TTLL4: variants seen among roughly 807,000 people sequenced by gnomAD.
TTLL4 encodes tubulin monoglutamylase TTLL4.
TTLL4 carries 85 observed loss-of-function variants against 122.7 expected under a neutral mutation model. The observed-to-expected ratio is 0.69, with a 90% CI of 0.58 to 0.83. The LOEUF (loss-of-function observed/expected upper bound fraction) is 0.83, where lower values mean the gene tolerates loss of function less well. Ranked by LOEUF, TTLL4 falls within the 40% of genes least tolerant of loss-of-function variation. The probability of loss-of-function intolerance (pLI) is 0.00; values close to 1 mark genes in which losing one functional copy is unlikely to be tolerated. For synonymous variants in TTLL4, 553 were observed against 563.0 expected (o/e 0.98, Z 0.25); for missense variants, 1,363 against 1,488.6 (o/e 0.92, Z 1.39).
chr2:218,714,651 C>T (rs921252294), intron 1 of TTLL4, among the ~76,000 whole-genome samples: 3 of 151,744 alleles, frequency 2.0e-5, no homozygotes, highest in Non-Finnish European at 4.4e-5. Flanking sequence ...TTCTCTAGAC[C>T]GGCAGTGCTC....
chr2:218,723,349 G>A (rs542310616), intron 1 of TTLL4, among the ~76,000 whole-genome samples: 2 of 152,300 alleles, frequency 1.3e-5, no homozygotes, highest in African/African-American at 4.8e-5. Flanking sequence ...TTATTGGGAT[G>A]TGAGGTTTTA....
At chr2:218,746,614 T>G in intron 8 of TTLL4, 2 of 359,606 alleles carry the variant, frequency 5.6e-6, no homozygotes, top group Non-Finnish European at 5.1e-6. Flanking sequence ...TCACTGCACA[T>G]TCCATTCTCC....
chr2:218,758,883 A>G (rs576691645), downstream of TTLL4, among the ~76,000 whole-genome samples: 2 of 152,358 alleles, frequency 1.3e-5, no homozygotes, highest in East Asian at 3.9e-4. Flanking sequence ...AAACAACCAT[A>G]TGTCCAACAA....
In TTLL4 at chr2:218,711,147, C is replaced by G. The variant is rs1941690735; in HGVS notation, c.-178+110C>G. ...TCGCGCGGGTCCCCAGCCCTCCGGC[C>G]ACTCTCACCCTAGCCCCGCTTCCTC... On this transcript the variant is annotated intron_variant, in intron 1 of 19. Transcript: ENST00000392102. 1.3e-5 allele frequency: 2 copies of G among 152,386 alleles called. 1 individual carries two copies. The highest frequency in any genetic ancestry group is 4.1e-4 in the South Asian group (2 of 4,828). 9.4% of individuals were successfully genotyped at this position (152,386 alleles called of 1,614,324 possible).
chr2:218,721,048 C>T (rs1048750866), intron 1 of TTLL4, among the ~76,000 whole-genome samples: 1 of 152,206 alleles, frequency 6.6e-6, no homozygotes. Context: ...GGTAACAGCA[C>T]GGAAGCTCCA....
chr2:218,748,548 A>G (rs572492701), intron 12 of TTLL4: 2 of 430,378 alleles, frequency 4.6e-6, no homozygotes, highest in Non-Finnish European at 8.3e-6. Flanking sequence ...CCAGCTGCTC[A>G]GGAAGTTGAG....
At chr2:218,742,269 C>G (rs1333752348) in intron 5 of TTLL4, among the ~76,000 whole-genome samples, 1 of 152,062 alleles carries the variant, frequency 6.6e-6, no homozygotes, top group Non-Finnish European at 1.5e-5. Flanking sequence ...TGCACCTGAC[C>G]AAAAATGGAG....
chr2:218,751,642 A>G, intron 15 of TTLL4, 62 bp from the exon 16 acceptor site: 2 of 1,582,060 alleles, frequency 1.3e-6, no homozygotes, highest in Non-Finnish European at 1.7e-6. Flanking sequence ...CCTCCTCCAT[A>G]TTTCCTCCAA....
chr2:218,745,871 C>A, intron 7 of TTLL4, 70 bp downstream of exon 7: 3 of 1,370,966 alleles, frequency 2.2e-6, no homozygotes, highest in East Asian at 2.3e-5. Flanking sequence ...AGGGGGAGAG[C>A]TCTAGACACC....
At chr2:218,725,757 T>G (rs1416572117) in intron 1 of TTLL4, among the ~76,000 whole-genome samples, 1 of 152,022 alleles carries the variant, frequency 6.6e-6, no homozygotes, top group Non-Finnish European at 1.5e-5. Flanking sequence ...GGTTTCACCG[T>G]GTTGGCCAGG....
At position 218,747,399 on chromosome 2, in the gene TTLL4, C is replaced by A; in HGVS notation, c.2249+27C>A. The A allele has an allele frequency of 6.2e-7, 1 of 1,610,252 alleles. No homozygotes were observed. The highest frequency in any genetic ancestry group is 8.5e-7 in the Non-Finnish European group (1 of 1,178,000). On this transcript the variant is annotated intron_variant, in intron 10 of 19. Transcript: ENST00000392102. This position sits in a 1 kb window ranked among gnomAD's most constrained non-coding sequence, Gnocchi z 4.7. Reference sequence around the variant, plus strand: ...TGAGCCTGTAGCACATATCCCTTACCCCATCCTCCCACCTCCTTGGCCTCG... The same window carrying A: ...TGAGCCTGTAGCACATATCCCTTACACCATCCTCCCACCTCCTTGGCCTCG...
downstream of TTLL4, among the ~76,000 whole-genome samples, chr2:218,757,312 G>T (rs1388696865): frequency 1.3e-5 from 2 of 152,124 alleles, no homozygotes; most frequent in African/African-American, 4.8e-5. Flanking sequence ...CTTCACCCCA[G>T]TGCACACACA....
rs1339744966 is a variant in TTLL4 at position 218,738,699 on chromosome 2, G to A, written c.1023G>A (p.Arg341=). Residue 341 remains arginine (R), a synonymous_variant, in exon 3 of 20, where the codon AGG becomes AGA. Coordinates refer to ENST00000392102, the MANE Select transcript of TTLL4 (RefSeq NM_014640.5). Reference sequence around the variant, plus strand: ...AGATTCGGTTCACTGAGGCCGTGAGGAAATTGACCGCAAGAGGCTTTGAGA... The same window carrying A: ...AGATTCGGTTCACTGAGGCCGTGAGAAAATTGACCGCAAGAGGCTTTGAGA... The part of the protein sequence containing the change: ...TKEIRFTEAV[R]KLTARGFEKM... 2 of 1,614,210 alleles carry A rather than the reference G, an allele frequency of 1.2e-6. No individual in the cohort carries two copies. Among genetic ancestry groups the A allele is most frequent in the Non-Finnish European group, 1.7e-6 (2 of 1,180,046 alleles).
chr2:218,729,940 C>T (rs948330515), intron 2 of TTLL4, among the ~76,000 whole-genome samples: 1 of 151,984 alleles, frequency 6.6e-6, no homozygotes. Flanking sequence ...GATAATGTCT[C>T]CCTATATTGC....
In TTLL4 at chr2:218,751,735, A is replaced by G. The variant is rs1465066158; in HGVS notation, c.2905A>G (p.Met969Val). ...CACCTCCCCTGGGGACAAATGTCGAATGGCTCCAGAGCATGTCACTGCACA... is the reference window on the plus strand; with the variant it reads ...CACCTCCCCTGGGGACAAATGTCGAGTGGCTCCAGAGCATGTCACTGCACA... ...LPTSPGDKCR[M>V]APEHVTAQKM... is the part of the protein sequence containing the mutation. Residue 969 changes from methionine to valine, a missense_variant, in exon 16 of 20, where the codon ATG (methionine) becomes GTG (valine). This residue lies in a region of TTLL4 where 596 missense variants were observed against 655.8 expected (regional missense o/e 0.91). Transcript: ENST00000392102. 1.9e-5 allele frequency: 31 copies of G among 1,613,378 alleles called. No homozygotes were observed. The highest frequency in any genetic ancestry group is 2.5e-5 in the Non-Finnish European group (30 of 1,179,622).
intron 1 of TTLL4, among the ~76,000 whole-genome samples, chr2:218,718,332 C>G (rs1270939608): frequency 6.6e-6 from 1 of 152,002 alleles, no homozygotes; most frequent in East Asian, 1.9e-4. Flanking sequence ...TGGGCCTGGT[C>G]CCTGGAGACT....
intron 8 of TTLL4, chr2:218,746,696 C>G: frequency 4.7e-6 from 2 of 422,264 alleles, no homozygotes; most frequent in South Asian, 3.2e-5. Context: ...TCCAGACTTA[C>G]TAAAGGCGAA....
chr2:218,740,691 A>G (rs1226747084), intron 5 of TTLL4, 107 bp downstream of exon 5: 6 of 1,322,722 alleles, frequency 4.5e-6, no homozygotes, highest in Non-Finnish European at 6.4e-6. Flanking sequence ...ACTCTAATGC[A>G]TTTTTACCAA....
intron 2 of TTLL4, among the ~76,000 whole-genome samples, chr2:218,728,874 T>C (rs1942269276): frequency 6.6e-6 from 1 of 152,022 alleles, no homozygotes; most frequent in Non-Finnish European, 1.5e-5. Flanking sequence ...TCAGGCACTC[T>C]TGATGCTTTC....
Sources: allele counts gnomAD v4.1 joint callset (sites outside exome capture counted in the v4.1 genomes callset), GRCh38; gene constraint gnomAD v4.1.1; regional missense constraint gnomAD v4.1.1; non-coding constraint Gnocchi (gnomAD v3.1); transcripts MANE v1.5; gene names NCBI Gene and HGNC (gene_info 2026-07-23, HGNC 2026-07-21).